ATF2: variants seen among roughly 807,000 people sequenced by gnomAD.
ATF2 encodes the protein cyclic AMP-dependent transcription factor ATF-2.
In ATF2, 24 loss-of-function variants were observed where a neutral mutation model predicts 60.6. The observed-to-expected ratio is 0.40, with a 90% confidence interval of 0.29 to 0.56. ATF2 has a LOEUF of 0.56. ATF2 is among the 20% of genes least tolerant of loss of function. The probability of loss-of-function intolerance (pLI) is 0.54; values close to 1 mark genes in which losing one functional copy is unlikely to be tolerated. For synonymous variants in ATF2, 206 were observed against 215.4 expected (o/e 0.96, Z 0.38); for missense variants, 433 against 607.7 (o/e 0.71, Z 3.02).
chr2:175,158,181 C>T (rs996813044), intron 1 of ATF2, among the ~76,000 whole-genome samples: 2 of 151,616 alleles, frequency 1.3e-5, no homozygotes, highest in African/African-American at 4.9e-5. Context: ...CCTGCAGCCA[C>T]GACCTAGTAG....
chr2:175,092,729 C>T (rs1694637467), intron 12 of ATF2: 1 of 361,698 alleles, frequency 2.8e-6, no homozygotes, highest in Non-Finnish European at 5.2e-6. Flanking sequence ...AAAAAATAGA[C>T]AAGAAAAGTG....
chr2:175,160,083 C>T lies in ATF2; in HGVS notation c.-143+7967G>A, dbSNP rs768479602. ...TAAAAATTTCTCATTATGAAGAGGGCACAAATAAAATACACTACCGGCTTG... is the reference window on the plus strand; with the variant it reads ...TAAAAATTTCTCATTATGAAGAGGGTACAAATAAAATACACTACCGGCTTG... On this transcript the variant is annotated intron_variant, in intron 1 of 13. Transcript: ENST00000264110. Among the ~76,000 whole-genome samples the T allele has an allele frequency of 1.1e-3, 166 of 152,206 alleles. 1 individual carries two copies. The highest frequency in any genetic ancestry group is 2.0e-3 in the Non-Finnish European group (136 of 68,004).
intron 2 of ATF2, among the ~76,000 whole-genome samples, chr2:175,142,519 G>A (rs575905375): frequency 7.6e-4 from 116 of 151,870 alleles, no homozygotes; most frequent in Non-Finnish European, 1.5e-3. Flanking sequence ...TATGTTCCTC[G>A]TATTTCCTCT....
At chr2:175,096,931 G>C (rs1289138941) in intron 11 of ATF2, among the ~76,000 whole-genome samples, 1 of 152,106 alleles carries the variant, frequency 6.6e-6, no homozygotes, top group Non-Finnish European at 1.5e-5. Flanking sequence ...AATCAAACCT[G>C]TTTATGCCAC....
At chr2:175,097,388 T>A in intron 11 of ATF2, 56 bp downstream of exon 11, 1 of 1,583,734 alleles carries the variant, frequency 6.3e-7, no homozygotes, top group Non-Finnish European at 8.6e-7. Context: ...TAAGTTACAC[T>A]GTACTTTTCT....
chr2:175,106,185 G>A (rs980944575), intron 10 of ATF2, among the ~76,000 whole-genome samples: 1 of 152,128 alleles, frequency 6.6e-6, no homozygotes, highest in Non-Finnish European at 1.5e-5. Context: ...AAAATAGACA[G>A]TAGAAATATA....
chr2:175,128,316 C>G (rs1697488147), intron 4 of ATF2, among the ~76,000 whole-genome samples: 1 of 152,120 alleles, frequency 6.6e-6, no homozygotes, highest in East Asian at 1.9e-4. Flanking sequence ...GCCTGACCAA[C>G]ATGAAGAAAC....
At chr2:175,144,072 G>T (rs1413027420) in intron 2 of ATF2, among the ~76,000 whole-genome samples, 1 of 152,050 alleles carries the variant, frequency 6.6e-6, no homozygotes, top group Non-Finnish European at 1.5e-5. Context: ...AGGATTACAG[G>T]CATGAGGCAC....
At chr2:175,154,253 T>A (rs7355455) in intron 1 of ATF2, among the ~76,000 whole-genome samples, 211 of 147,676 alleles carry the variant, frequency 1.4e-3, no homozygotes, top group African/African-American at 4.6e-3. Flanking sequence ...ATATATATAT[T>A]TTTTACTTTA....
chr2:175,074,586 A>C lies in ATF2; in HGVS notation c.*23T>G, dbSNP rs1234536259. ...TTGAAGTCACTAATGAGTATCTAAA[A>C]CTGTTGTACTGCAGGTTTTTAATCA... On this transcript the variant is annotated 3_prime_UTR_variant, in exon 14 of 14. Transcript: ENST00000264110. 5.6e-6 allele frequency: 9 copies of C among 1,596,904 alleles called. No individual in the cohort carries two copies. The highest frequency in any genetic ancestry group is 7.7e-6 in the Non-Finnish European group (9 of 1,170,412).
chr2:175,098,382 CT>C (rs1695086682), intron 10 of ATF2, among the ~76,000 whole-genome samples: 2 of 152,160 alleles, frequency 1.3e-5, no homozygotes, highest in Admixed American at 1.3e-4. Context: ...ACTATTATTG[CT>C]GATACTGTTC....
chr2:175,134,710 G>A (rs1003841122), intron 3 of ATF2, among the ~76,000 whole-genome samples: 4 of 152,144 alleles, frequency 2.6e-5, no homozygotes, highest in African/African-American at 9.7e-5. Context: ...TTAGCTGGGT[G>A]CAGTGGCTCA....
chr2:175,081,826 G>GTA (rs1171522038), intron 12 of ATF2, among the ~76,000 whole-genome samples: 1 of 152,218 alleles, frequency 6.6e-6, no homozygotes, highest in Non-Finnish European at 1.5e-5. Context: ...CGAGGCAGTT[G>GTA]TATCACTTGA....
intron 13 of ATF2, among the ~76,000 whole-genome samples, chr2:175,077,653 A>G (rs1559043100): frequency 6.6e-6 from 1 of 152,200 alleles, no homozygotes; most frequent in Non-Finnish European, 1.5e-5. Context: ...TGAAACAGTA[A>G]ATTATAAGGG....
At position 175,093,273 on chromosome 2, in the gene ATF2, A is replaced by T. The variant is rs761718807; in HGVS notation, c.979-6T>A. ...GTTGTGTGAGCTGGAGAAGCCTATT[A>T]TAAACAGAGATGAAAGCCTGTTATA... On this transcript the variant is annotated splice_polypyrimidine_tract_variant and splice_region_variant and intron_variant, in intron 11 of 13. Coordinates refer to ENST00000264110, the MANE Select transcript of ATF2 (RefSeq NM_001880.4). 1 of 1,612,844 alleles carries T rather than the reference A, an allele frequency of 6.2e-7. No individual in the cohort carries two copies. The highest frequency in any genetic ancestry group is 1.3e-5 in the African/African-American group (1 of 74,986).
intron 9 of ATF2, among the ~76,000 whole-genome samples, chr2:175,112,997 AAT>A (rs1235374171): frequency 6.6e-6 from 1 of 152,174 alleles, no homozygotes; most frequent in Admixed American, 6.5e-5. Flanking sequence ...ATAAGTACCT[AAT>A]GCTTGGTGTA....
chr2:175,150,941 G>A (rs1699273038), intron 2 of ATF2, 119 bp downstream of exon 2: 1 of 152,382 alleles, frequency 6.6e-6, no homozygotes, highest in Non-Finnish European at 1.5e-5. Flanking sequence ...TATCAATACG[G>A]TAGGACTTCA....
chr2:175,166,572 T>C (rs1298660124), intron 1 of ATF2, among the ~76,000 whole-genome samples: 2 of 152,220 alleles, frequency 1.3e-5, no homozygotes, highest in African/African-American at 4.8e-5. Flanking sequence ...AATTAATACA[T>C]GATAAAACTG....
At chr2:175,109,168 T>TAAAAAAAAAAA (rs66812318) in intron 10 of ATF2, among the ~76,000 whole-genome samples, 2 of 82,602 alleles carry the variant, frequency 2.4e-5, no homozygotes, top group Non-Finnish European at 4.4e-5. Flanking sequence ...GAATGATCAA[T>TAAAAAAAAAAA]AAAAAAAAAA....
Sources: gnomAD v4.1 joint callset for allele counts (sites outside exome capture counted in the v4.1 genomes callset) on GRCh38, gnomAD v4.1.1 for gene constraint, MANE v1.5 for transcripts, NCBI Gene and HGNC (gene_info 2026-07-23, HGNC 2026-07-21) for gene names.